Variants in NELL2 observed in about 807,000 individuals in gnomAD.
The protein encoded by NELL2 is neural EGFL like 2, also known as protein kinase C-binding protein NELL2.
NELL2 carries 41 observed loss-of-function variants against 109.6 expected under a neutral mutation model. That is an observed-to-expected ratio of 0.37 (90% CI 0.29 to 0.49). NELL2 has a LOEUF of 0.49. Ranked by LOEUF, NELL2 falls within the 20% of genes least tolerant of loss-of-function variation. The pLI is 0.98. For synonymous variants in NELL2, 355 were observed against 344.7 expected (o/e 1.03, Z -0.33); for missense variants, 900 against 1,008.3 (o/e 0.89, Z 1.45).
chr12:44,707,312 T>C, intron 11 of NELL2, among the ~76,000 whole-genome samples: 1 of 152,170 alleles, frequency 6.6e-6, no homozygotes, highest in Non-Finnish European at 1.5e-5. Flanking sequence ...ATGAGAATGC[T>C]GAGCTTTTTC....
rs1467348282 is a variant in NELL2 at position 44,667,730 on chromosome 12, G to A, written c.1319-2121C>T. 2.0e-5 allele frequency among the ~76,000 whole-genome samples: 3 copies of A among 152,312 alleles called. No homozygotes were observed. The East Asian group carries it at 5.8e-4, about 29-fold the overall frequency. On this transcript the variant is annotated intron_variant, in intron 12 of 19. Transcript: ENST00000429094. ...AGCAGGAAAGTGTCAGAGAACCTCT[G>A]AGGCATGGGAGAGAGAAGTGAAGCA...
At chr12:44,852,723 C>G (rs1044683881) in intron 2 of NELL2, among the ~76,000 whole-genome samples, 6 of 152,168 alleles carry the variant, frequency 3.9e-5, no homozygotes, top group Admixed American at 6.5e-5. Flanking sequence ...TCGACAGTTT[C>G]CTGCCTGGTC....
chr12:44,598,883 A>ACACACACACACACACACT lies in NELL2; in HGVS notation c.1663+8285_1663+8286insAGTGTGTGTGTGTGTGTG, dbSNP rs1265603008. Among the ~76,000 whole-genome samples, 168 of 144,028 alleles carry ACACACACACACACACACT rather than the reference A, an allele frequency of 1.2e-3. 1 individual carries two copies. The highest frequency in any genetic ancestry group is 3.8e-3 in the East Asian group (19 of 4,942). 94.5% of individuals were successfully genotyped at this position (144,028 alleles called of 152,430 possible). The stretch of plus-strand genomic sequence containing the variant: ...CACACACACACACACACACACACAC[A>ACACACACACACACACACT]CTCTCTCTCTCTCTCTCTCTCTCTC... On this transcript the variant is annotated intron_variant, in intron 15 of 19. Transcript: ENST00000429094.
At chr12:44,753,286 T>A (rs1940736680) in intron 9 of NELL2, among the ~76,000 whole-genome samples, 1 of 152,158 alleles carries the variant, frequency 6.6e-6, no homozygotes, top group African/African-American at 2.4e-5. Flanking sequence ...GAGGGTAAGC[T>A]CTACGCAGGC....
Position 44,523,512 on chromosome 12 carries a change from T to A in NELL2, c.1805-28A>T, listed in dbSNP as rs188113747. ...ATAGACAAGAAAAAGCAGCACTCAA[T>A]GTGCTTAGAATATGTGCAGTTTCAA... On this transcript the variant is annotated intron_variant, in intron 16 of 19. Transcript: ENST00000429094. 4.4e-6 allele frequency: 7 copies of A among 1,603,104 alleles called. No homozygotes were observed. The East Asian group carries it at 1.6e-4, about 36-fold the overall frequency.
rs562428168 is a variant in NELL2 at position 44,741,337 on chromosome 12, C to T, written c.995-26596G>A. On this transcript the variant is annotated intron_variant, in intron 9 of 19. Coordinates refer to ENST00000429094, the MANE Select transcript of NELL2 (RefSeq NM_001145108.2). The stretch of plus-strand genomic sequence containing the variant: ...ATATAAGGGGGAGGAGCCAAGATGG[C>T]CAAATAGGAACAGCTCTGGTCTACA... Among the ~76,000 whole-genome samples the T allele has an allele frequency of 2.0e-5, 3 of 152,170 alleles. No homozygotes were observed. The South Asian group carries it at 6.2e-4, about 32-fold the overall frequency.
intron 13 of NELL2, among the ~76,000 whole-genome samples, chr12:44,612,297 T>C (rs1330821967): frequency 1.3e-5 from 2 of 152,048 alleles, no homozygotes; most frequent in African/African-American, 2.4e-5. Flanking sequence ...TCTCATTCTA[T>C]ATGAGCACAA....
intron 15 of NELL2, among the ~76,000 whole-genome samples, chr12:44,557,313 C>CA (rs1197555852): frequency 6.6e-6 from 1 of 152,116 alleles, no homozygotes; most frequent in African/African-American, 2.4e-5. Context: ...AAAATAGAAA[C>CA]AAAAAGCATC....
At chr12:44,811,655 A>ACCTTCT (rs1169301429) in intron 3 of NELL2, among the ~76,000 whole-genome samples, 3 of 151,970 alleles carry the variant, frequency 2.0e-5, no homozygotes, top group African/African-American at 7.2e-5. Context: ...ATCAGTTCCT[A>ACCTTCT]CCTTCTCCCT....
intron 9 of NELL2, 91 bp downstream of exon 9, chr12:44,774,656 T>C: frequency 9.9e-7 from 1 of 1,007,468 alleles, no homozygotes; most frequent in Non-Finnish European, 1.6e-6. Flanking sequence ...GCTATTTAGC[T>C]TGCCCAGATT....
intron 15 of NELL2, among the ~76,000 whole-genome samples, chr12:44,588,197 A>G (rs868342716): frequency 6.6e-6 from 1 of 151,988 alleles, no homozygotes; most frequent in African/African-American, 2.4e-5. Flanking sequence ...GTTGGTTTCA[A>G]TTTTGAATCA....
At chr12:44,766,040 T>A (rs1235626147) in intron 9 of NELL2, among the ~76,000 whole-genome samples, 2 of 151,280 alleles carry the variant, frequency 1.3e-5, no homozygotes, top group Admixed American at 1.3e-4. Context: ...GAGTCAAGAT[T>A]GTGCCACCAC....
At chr12:44,710,667 G>T (rs527362876) in intron 11 of NELL2, among the ~76,000 whole-genome samples, 42 of 152,140 alleles carry the variant, frequency 2.8e-4, no homozygotes, top group African/African-American at 8.9e-4. Flanking sequence ...TTGCATTTTT[G>T]AATAGCACAA....
chr12:44,754,977 T>C (rs1940819608), intron 9 of NELL2, among the ~76,000 whole-genome samples: 1 of 152,224 alleles, frequency 6.6e-6, no homozygotes, highest in Admixed American at 6.5e-5. Flanking sequence ...ACCAACCCAA[T>C]GAACTAGATC....
chr12:44,571,950 T>C (rs1943886449), intron 15 of NELL2, among the ~76,000 whole-genome samples: 1 of 151,576 alleles, frequency 6.6e-6, no homozygotes, highest in South Asian at 2.1e-4. Flanking sequence ...ATAAGCACAA[T>C]AAGCAAACAA....
chr12:44,898,787 G>A (rs372426644), intron 1 of NELL2, among the ~76,000 whole-genome samples: 4 of 152,252 alleles, frequency 2.6e-5, no homozygotes, highest in South Asian at 2.1e-4. Context: ...GGCTTCAGAA[G>A]GTGGGTAATA....
intron 11 of NELL2, among the ~76,000 whole-genome samples, chr12:44,710,201 C>T (rs1425978706): frequency 6.6e-6 from 1 of 152,076 alleles, no homozygotes; most frequent in Non-Finnish European, 1.5e-5. Context: ...ATCCTATGTC[C>T]ACTTTTAATA....
intron 13 of NELL2, among the ~76,000 whole-genome samples, chr12:44,625,853 G>C (rs531852840): frequency 1.3e-5 from 2 of 152,026 alleles, no homozygotes; most frequent in African/African-American, 4.8e-5. Flanking sequence ...TTCCTGAATT[G>C]GGTTGAAACA....
At chr12:44,590,323 G>A (rs1944698766) in intron 15 of NELL2, among the ~76,000 whole-genome samples, 1 of 152,058 alleles carries the variant, frequency 6.6e-6, no homozygotes, top group Admixed American at 6.6e-5. Context: ...AGTTGTTAAA[G>A]CCAATATCAC....
Sources: gnomAD v4.1 joint callset for allele counts (sites outside exome capture counted in the v4.1 genomes callset) on GRCh38, gnomAD v4.1.1 for gene constraint, MANE v1.5 for transcripts, NCBI Gene and HGNC (gene_info 2026-07-23, HGNC 2026-07-21) for gene names.